Variants in SEC24B observed in about 807,000 individuals in gnomAD.
The protein encoded by SEC24B is protein transport protein Sec24B.
SEC24B carries 45 observed loss-of-function variants against 142.8 expected under a neutral mutation model. The ratio of observed to expected loss-of-function variants is 0.32; its 90% CI spans 0.25 to 0.40. The LOEUF (loss-of-function observed/expected upper bound fraction) is 0.40. Among genes scored for constraint, SEC24B ranks in the 10% least tolerant of loss-of-function variants. SEC24B has a pLI of 1.00. For missense variants in SEC24B, 1,409 were observed against 1,526.8 expected, an observed-to-expected ratio of 0.92 and a Z score of 1.29; for synonymous variants, 574 against 568.2, an observed-to-expected ratio of 1.01 and a Z score of -0.15.
intron 4 of SEC24B, among the ~76,000 whole-genome samples, chr4:109,487,888 T>C (rs1036847856): frequency 5.3e-5 from 8 of 152,214 alleles, no homozygotes; most frequent in African/African-American, 1.4e-4. Flanking sequence ...TTAAAACTTA[T>C]AGCCTTATTA....
At chr4:109,507,630 CTCTTTCTTTTTT>C (rs1561151465) in intron 7 of SEC24B, among the ~76,000 whole-genome samples, 1 of 151,778 alleles carries the variant, frequency 6.6e-6, no homozygotes, top group Admixed American at 6.6e-5. Flanking sequence ...CCAATATTTC[CTCTTTCTTTTTT>C]TCTTTCTTTT....
chr4:109,489,777 A>G (rs1734822236), intron 4 of SEC24B, among the ~76,000 whole-genome samples: 1 of 151,350 alleles, frequency 6.6e-6, no homozygotes, highest in Non-Finnish European at 1.5e-5. Flanking sequence ...TCCATACTTC[A>G]TTTTTATGGC....
chr4:109,531,257 G>A, intron 19 of SEC24B, 128 bp from the exon 20 acceptor site: 1 of 727,886 alleles, frequency 1.4e-6, no homozygotes, highest in Non-Finnish European at 2.2e-6. Context: ...TGTCAGAGCT[G>A]AGAATTGAAT....
chr4:109,537,690 G>A (rs1725710145), intron 22 of SEC24B, among the ~76,000 whole-genome samples: 1 of 152,078 alleles, frequency 6.6e-6, no homozygotes, highest in Admixed American at 6.6e-5. Flanking sequence ...AGCCTGAAGT[G>A]AATAATATGC....
In SEC24B at chr4:109,463,647, A is replaced by G. The variant is rs771920625; in HGVS notation, c.877+3A>G. 3 of 1,603,694 alleles carry G rather than the reference A, an allele frequency of 1.9e-6. No individual in the cohort carries two copies. Among genetic ancestry groups the G allele is most frequent in the Non-Finnish European group, 1.7e-6 (2 of 1,173,638 alleles). ...GAACAACAACCCAACCATTACTGGTAGGTTGAATGAAAAGTTCACCAAAAC... is the reference window on the plus strand; with the variant it reads ...GAACAACAACCCAACCATTACTGGTGGGTTGAATGAAAAGTTCACCAAAAC... On this transcript the variant is annotated splice_donor_region_variant and intron_variant, in intron 2 of 23. Coordinates refer to ENST00000265175, the MANE Select transcript of SEC24B (RefSeq NM_006323.5).
At chr4:109,510,409 A>T (rs1202312006) in intron 8 of SEC24B, among the ~76,000 whole-genome samples, 1 of 152,224 alleles carries the variant, frequency 6.6e-6, no homozygotes, top group Non-Finnish European at 1.5e-5. Context: ...ACATGTAATT[A>T]ATCAAATTCT....
At chr4:109,449,885 T>G (rs1441418304) in intron 1 of SEC24B, among the ~76,000 whole-genome samples, 2 of 152,182 alleles carry the variant, frequency 1.3e-5, no homozygotes, top group Non-Finnish European at 2.9e-5. Context: ...ATGGTCTGTT[T>G]ATTAGGAGTG....
chr4:109,446,607 A>T (rs1729485761), intron 1 of SEC24B, among the ~76,000 whole-genome samples: 1 of 152,256 alleles, frequency 6.6e-6, no homozygotes. Context: ...AGATATAATG[A>T]AATACGATAG....
intron 4 of SEC24B, among the ~76,000 whole-genome samples, chr4:109,483,044 G>GTATT (rs756610936): frequency 6.8e-5 from 7 of 102,844 alleles, no homozygotes; most frequent in African/African-American, 3.5e-4. Flanking sequence ...TTATATATAT[G>GTATT]TATTTATGTA....
chr4:109,472,437 A>G (rs1732619245), intron 2 of SEC24B, among the ~76,000 whole-genome samples: 1 of 152,206 alleles, frequency 6.6e-6, no homozygotes, highest in Admixed American at 6.5e-5. Flanking sequence ...ACCTCGTATT[A>G]TGGTTAGGCT....
At chr4:109,508,716 CTT>C (rs1299245305) in intron 7 of SEC24B, among the ~76,000 whole-genome samples, 2 of 152,122 alleles carry the variant, frequency 1.3e-5, no homozygotes, top group East Asian at 3.8e-4. Context: ...GGAGTACAGG[CTT>C]TAGAGTTGAG....
At chr4:109,477,139 A>AT (rs1491282365) in intron 3 of SEC24B, among the ~76,000 whole-genome samples, 1 of 120,502 alleles carries the variant, frequency 8.3e-6, no homozygotes, top group Non-Finnish European at 1.6e-5. Context: ...TCCGTCTCAA[A>AT]TAAAAAAAAA....
rs1291156371 is a variant in SEC24B at position 109,497,147 on chromosome 4, G to A, written c.1488+2291G>A. 6.6e-5 allele frequency among the ~76,000 whole-genome samples: 10 copies of A among 152,340 alleles called. No homozygotes were observed. The Middle Eastern group carries it at 0.024, about 363-fold the overall frequency. Reference sequence around the variant, plus strand: ...TGTCTATGGCTGCTTTTGCACTACAGTAGTACAGTTGAGTAGTTGCAAAAG... The same window carrying A: ...TGTCTATGGCTGCTTTTGCACTACAATAGTACAGTTGAGTAGTTGCAAAAG... On this transcript the variant is annotated intron_variant, in intron 6 of 23. Coordinates refer to ENST00000265175, the MANE Select transcript of SEC24B (RefSeq NM_006323.5).
chr4:109,486,455 T>C (rs1734363925), intron 4 of SEC24B, among the ~76,000 whole-genome samples: 2 of 152,238 alleles, frequency 1.3e-5, no homozygotes, highest in African/African-American at 4.8e-5. Flanking sequence ...TACTCTTCTC[T>C]AGCTTCAAGG....
In SEC24B at chr4:109,521,061, T is replaced by G. The variant is rs928996633; in HGVS notation, c.2246-56T>G. The stretch of plus-strand genomic sequence containing the variant: ...TGTATGACCTGATAAAAACTAAGAT[T>G]TTCTAATGTATTCTTTTGTTCGATT... On this transcript the variant is annotated intron_variant, in intron 12 of 23. Coordinates refer to ENST00000265175, the MANE Select transcript of SEC24B (RefSeq NM_006323.5). 3.6e-6 allele frequency: 4 copies of G among 1,125,452 alleles called. No individual in the cohort carries two copies. In the African/African-American group the frequency reaches 6.2e-5, roughly 17 times the overall value. The allele number at this position is 1,125,452 out of a possible 1,614,324, so 69.7% of individuals were successfully genotyped here. A position where few individuals can be genotyped will look rare whatever the true frequency, so the allele number is the denominator to read the frequency against.
chr4:109,473,060 C>G lies in SEC24B; in HGVS notation c.934C>G (p.Pro312Ala), dbSNP rs1367515735. ...MQNVQPPKSS[P>A]VVSTVLSGSS... ...AAATGTTCAGCCTCCCAAGTCCAGC[C>G]CAGTGGTATCCACTGTTTTATCAGG... Residue 312 changes from proline (P) to alanine (A), a missense_variant, in exon 3 of 24, where the codon CCA (proline) becomes GCA (alanine). By Grantham distance (27) the Pro-to-Ala change is conservative. Coordinates refer to ENST00000265175, the MANE Select transcript of SEC24B (RefSeq NM_006323.5). 5.0e-6 allele frequency: 8 copies of G among 1,602,468 alleles called. No homozygotes were observed. The highest frequency in any genetic ancestry group is 6.8e-6 in the Non-Finnish European group (8 of 1,174,502).
Position 109,472,462 on chromosome 4 carries a change from T to C in SEC24B, c.878-542T>C, listed in dbSNP as rs985515787. On this transcript the variant is annotated intron_variant, in intron 2 of 23. Coordinates refer to ENST00000265175, the MANE Select transcript of SEC24B (RefSeq NM_006323.5). The stretch of plus-strand genomic sequence containing the variant: ...ATGGTTAGGCTCTTACTTAGTTACA[T>C]GTGAAATAAGGCATCTGGTTAGAAA... Among the ~76,000 whole-genome samples, 3 of 152,340 alleles carry C rather than the reference T, an allele frequency of 2.0e-5. No individual in the cohort carries two copies. In the South Asian group the frequency reaches 6.2e-4, roughly 32 times the overall value.
At chr4:109,474,226 A>C (rs923312329) in intron 3 of SEC24B, among the ~76,000 whole-genome samples, 2 of 152,202 alleles carry the variant, frequency 1.3e-5, no homozygotes, top group Non-Finnish European at 2.9e-5. Flanking sequence ...TCTTAAAAGT[A>C]TTTGCCTTCA....
At chr4:109,462,880 T>C in intron 1 of SEC24B, 21 bp from the exon 2 acceptor site, 1 of 1,431,182 alleles carries the variant, frequency 7.0e-7, no homozygotes, top group Non-Finnish European at 9.2e-7. Flanking sequence ...TACAAATACC[T>C]GTAAATACTT....
Sources: allele counts gnomAD v4.1 joint callset (sites outside exome capture counted in the v4.1 genomes callset), GRCh38; gene constraint gnomAD v4.1.1; transcripts MANE v1.5; gene names NCBI Gene and HGNC (gene_info 2026-07-23, HGNC 2026-07-21).